Variants in FTO observed in about 807,000 individuals in gnomAD.
The protein encoded by FTO is FTO alpha-ketoglutarate dependent dioxygenase, also known as alpha-ketoglutarate-dependent dioxygenase FTO.
FTO carries 47 observed loss-of-function variants against 63.9 expected under a neutral mutation model. The observed-to-expected ratio is 0.74, with a 90% CI of 0.58 to 0.94. FTO has a LOEUF of 0.94. Among genes scored for constraint, FTO ranks in the 40% least tolerant of loss-of-function variants. The pLI, the probability that FTO is intolerant of heterozygous loss-of-function variation, is 0.00. For missense variants in FTO, 562 were observed against 618.1 expected (o/e 0.91, Z 0.96); for synonymous variants, 207 against 224.4 (o/e 0.92, Z 0.69).
intron 8 of FTO, among the ~76,000 whole-genome samples, chr16:54,035,707 G>A (rs1222172293): frequency 2.0e-5 from 3 of 152,068 alleles, no homozygotes; most frequent in African/African-American, 7.2e-5. Flanking sequence ...CGCCACTTAC[G>A]GGAAACCTTG....
Position 54,014,396 on chromosome 16 carries a change from C to CCT in FTO, c.1364+80298_1364+80299dup, listed in dbSNP as rs374959915. Among the ~76,000 whole-genome samples, 8 of 151,606 alleles carry CCT rather than the reference C, an allele frequency of 5.3e-5. No individual in the cohort carries two copies. The South Asian group carries it at 1.7e-3, about 32-fold the overall frequency. ...TGAAAAGAGCCTGGCACCTTCCTCC[C>CCT]CTCTCTCTCTCTTGCTTCCTTTCTC... On this transcript the variant is annotated intron_variant, in intron 8 of 8. Coordinates refer to ENST00000471389, the MANE Select transcript of FTO (RefSeq NM_001080432.3).
intron 8 of FTO, among the ~76,000 whole-genome samples, chr16:53,970,173 G>T (rs1292998323): frequency 1.3e-5 from 2 of 152,136 alleles, no homozygotes; most frequent in African/African-American, 4.8e-5. Flanking sequence ...AGTTTAATAG[G>T]CAATGATTCC....
intron 8 of FTO, among the ~76,000 whole-genome samples, chr16:54,110,508 G>A (rs2086859792): frequency 6.6e-6 from 1 of 152,198 alleles, no homozygotes; most frequent in Non-Finnish European, 1.5e-5. Context: ...TGCCGGTGTA[G>A]CAATTAACCA....
At chr16:53,803,592 C>T (rs2151719656) in intron 1 of FTO, among the ~76,000 whole-genome samples, 1 of 152,176 alleles carries the variant, frequency 6.6e-6, no homozygotes, top group Non-Finnish European at 1.5e-5. Flanking sequence ...AAAAATTAAA[C>T]AATTCTTAAG....
chr16:53,841,884 C>T (rs1427616151), intron 3 of FTO, among the ~76,000 whole-genome samples: 4 of 152,170 alleles, frequency 2.6e-5, no homozygotes, highest in Admixed American at 6.5e-5. Context: ...TTGTCTTTCA[C>T]GTTTGACCTT....
intron 8 of FTO, among the ~76,000 whole-genome samples, chr16:53,984,274 T>C (rs2143838081): frequency 6.8e-6 from 1 of 146,194 alleles, no homozygotes; most frequent in Middle Eastern, 3.5e-3. Flanking sequence ...CTTTTAACCA[T>C]CACAAAGTAA....
chr16:54,068,934 T>C (rs1237466939), intron 8 of FTO, among the ~76,000 whole-genome samples: 4 of 152,202 alleles, frequency 2.6e-5, no homozygotes, highest in Non-Finnish European at 4.4e-5. Context: ...CAGCCCCAGT[T>C]CTGCAAATCC....
chr16:54,067,136 GTTGT>G (rs757618395), intron 8 of FTO, among the ~76,000 whole-genome samples: 8,153 of 38,882 alleles, frequency 0.21, 250 homozygotes, highest in South Asian at 0.37. Flanking sequence ...TTTGGTTGTT[GTTGT>G]TTTTTTTTTG....
chr16:53,804,415 C>A (rs564846919), intron 1 of FTO, among the ~76,000 whole-genome samples: 5 of 152,098 alleles, frequency 3.3e-5, no homozygotes, highest in Non-Finnish European at 4.4e-5. Context: ...GGTACCGCAT[C>A]GAGGAAGTGA....
At chr16:53,924,528 T>G (rs1246404010) in intron 7 of FTO, among the ~76,000 whole-genome samples, 1 of 151,774 alleles carries the variant, frequency 6.6e-6, no homozygotes, top group Admixed American at 6.6e-5. Context: ...GGCAGCCTCT[T>G]GAAGACTTCT....
At chr16:53,968,900 A>G (rs964006235) in intron 8 of FTO, among the ~76,000 whole-genome samples, 4 of 152,256 alleles carry the variant, frequency 2.6e-5, no homozygotes, top group Non-Finnish European at 5.9e-5. Context: ...TAGTCAGTAC[A>G]GCACATTCAA....
intron 1 of FTO, among the ~76,000 whole-genome samples, chr16:53,722,420 A>G (rs779553161): frequency 3.9e-5 from 6 of 152,206 alleles, no homozygotes; most frequent in African/African-American, 9.7e-5. Context: ...GGAAACATGT[A>G]TAGATTGGAA....
chr16:53,769,311 G>A (rs62048402), intron 1 of FTO, among the ~76,000 whole-genome samples: 46,880 of 152,036 alleles, frequency 0.31, 8,810 homozygotes, highest in Non-Finnish European at 0.42. Context: ...TGAAAGCATG[G>A]CTGCCAGAAC....
Position 53,822,295 on chromosome 16 carries a change from A to G in FTO, c.124-3569A>G, listed in dbSNP as rs548892069. ...CTACTATTATTACATTTATCATCCT[A>G]TCTGAATTCATACCTTCTTTTTCCT... On this transcript the variant is annotated intron_variant, in intron 2 of 8. Coordinates refer to ENST00000471389, the MANE Select transcript of FTO (RefSeq NM_001080432.3). Among the ~76,000 whole-genome samples, 9 of 152,290 alleles carry G rather than the reference A, an allele frequency of 5.9e-5. No individual in the cohort carries two copies. In the East Asian group the frequency reaches 1.5e-3, roughly 26 times the overall value.
intron 7 of FTO, among the ~76,000 whole-genome samples, chr16:53,901,844 C>T (rs1014481345): frequency 7.9e-5 from 12 of 152,182 alleles, no homozygotes; most frequent in African/African-American, 2.2e-4. Context: ...TAATAACTCT[C>T]AGTTTGTTCT....
At chr16:54,090,407 C>T (rs1027648511) in intron 8 of FTO, among the ~76,000 whole-genome samples, 4 of 152,098 alleles carry the variant, frequency 2.6e-5, no homozygotes, top group East Asian at 3.9e-4. Flanking sequence ...TTGCCTAACA[C>T]GTACAGCATT....
chr16:53,840,028 C>T (rs187914760), intron 3 of FTO, among the ~76,000 whole-genome samples: 3,026 of 152,052 alleles, frequency 0.02, 39 homozygotes, highest in Middle Eastern at 0.031. Flanking sequence ...TGGTCTCAAT[C>T]TCCTGACCTC....
intron 8 of FTO, among the ~76,000 whole-genome samples, chr16:53,996,849 C>G (rs67360025): frequency 0.28 from 41,968 of 152,030 alleles, 6,882 homozygotes; most frequent in East Asian, 0.55. Context: ...GGGCTCACAC[C>G]TGTAATCCCA....
intron 1 of FTO, among the ~76,000 whole-genome samples, chr16:53,804,058 G>T (rs2078292889): frequency 6.6e-6 from 1 of 152,054 alleles, no homozygotes; most frequent in African/African-American, 2.4e-5. Context: ...ATGTATTGAG[G>T]GGCTGTTTAT....
Sources: allele counts gnomAD v4.1 joint callset (sites outside exome capture counted in the v4.1 genomes callset), GRCh38; gene constraint gnomAD v4.1.1; transcripts MANE v1.5; gene names NCBI Gene and HGNC (gene_info 2026-07-23, HGNC 2026-07-21).